The following DAB1 variants were observed in gnomAD, a reference collection of about 807,000 sequenced individuals.
The protein encoded by DAB1 is disabled homolog 1.
DAB1 carries 15 observed loss-of-function variants against 64.6 expected under a neutral mutation model. That is an observed-to-expected ratio of 0.23 (90% CI 0.16 to 0.36). The LOEUF is 0.36. Ranked by LOEUF, DAB1 falls within the 10% of genes least tolerant of loss-of-function variation. The pLI, the probability that DAB1 is intolerant of heterozygous loss-of-function variation, is 1.00. For synonymous variants in DAB1, 235 were observed against 251.9 expected, an observed-to-expected ratio of 0.93 and a Z score of 0.64; for missense variants, 596 against 706.7, an observed-to-expected ratio of 0.84 and a Z score of 1.78.
In DAB1 at chr1:57,448,606, A is replaced by T. The variant is rs529713406; in HGVS notation, n.626-157440T>A. ...TAAATATTTGTTATGCATCTGTTAC[A>T]CTCAACAAAGAATAAATTCTTGATC... On this transcript the variant is annotated intron_variant and non_coding_transcript_variant, in intron 7 of 20. Coordinates refer to the DAB1 transcript ENST00000485760. 3.3e-5 allele frequency among the ~76,000 whole-genome samples: 5 copies of T among 152,318 alleles called. No individual in the cohort carries two copies. The East Asian group carries it at 5.8e-4, about 18-fold the overall frequency.
chr1:57,947,630 C>A (rs1414608251), intron 5 of DAB1, among the ~76,000 whole-genome samples: 1 of 152,098 alleles, frequency 6.6e-6, no homozygotes, highest in Non-Finnish European at 1.5e-5. Context: ...AAGTATTTAT[C>A]TGACTCACGT....
At chr1:57,584,488 GGTCCTAGACATA>G (rs2101557904) in intron 7 of DAB1, among the ~76,000 whole-genome samples, 1 of 152,178 alleles carries the variant, frequency 6.6e-6, no homozygotes, top group East Asian at 1.9e-4. Flanking sequence ...TGAAATCTTT[GGTCCTAGACATA>G]GTCCCTGTAC....
At chr1:58,084,954 G>C (rs1650215029) in intron 5 of DAB1, among the ~76,000 whole-genome samples, 2 of 152,276 alleles carry the variant, frequency 1.3e-5, no homozygotes, top group Admixed American at 6.5e-5. Flanking sequence ...CATCACACAA[G>C]TGGGTTAACA....
At chr1:58,048,311 A>G (rs1647378537) in intron 5 of DAB1, 4 of 1,182,732 alleles carry the variant, frequency 3.4e-6, no homozygotes, top group African/African-American at 3.0e-5. Context: ...TCCCCCCTTC[A>G]TGGGTCCAAA....
chr1:57,383,587 A>G (rs1033928117), intron 1 of DAB1, among the ~76,000 whole-genome samples: 17 of 152,238 alleles, frequency 1.1e-4, no homozygotes, highest in African/African-American at 4.1e-4. Context: ...AGAAGAGAAC[A>G]GAAAGCCAAG....
At chr1:57,255,625 C>G (rs1669704252) in intron 2 of DAB1, among the ~76,000 whole-genome samples, 1 of 152,130 alleles carries the variant, frequency 6.6e-6, no homozygotes, top group South Asian at 2.1e-4. Context: ...CACCACTGCA[C>G]TCCAGCCTGG....
intron 6 of DAB1, among the ~76,000 whole-genome samples, chr1:57,674,033 C>G (rs752611028): frequency 2.7e-4 from 41 of 152,026 alleles, no homozygotes; most frequent in Non-Finnish European, 5.3e-4. Flanking sequence ...TGGAACCACC[C>G]TAGAGGGTTG....
chr1:57,538,334 C>T (rs1412103542), intron 7 of DAB1, among the ~76,000 whole-genome samples: 1 of 152,130 alleles, frequency 6.6e-6, no homozygotes, highest in East Asian at 1.9e-4. Context: ...CACAGAAGAA[C>T]TACTGGACAC....
intron 5 of DAB1, among the ~76,000 whole-genome samples, chr1:58,009,494 T>C (rs1358677446): frequency 6.6e-6 from 1 of 152,190 alleles, no homozygotes; most frequent in Non-Finnish European, 1.5e-5. Flanking sequence ...TTATAGTATA[T>C]GATTGCTTTT....
At chr1:57,774,783 T>C (rs1013200426) in intron 6 of DAB1, among the ~76,000 whole-genome samples, 3 of 151,784 alleles carry the variant, frequency 2.0e-5, no homozygotes, top group African/African-American at 7.2e-5. Flanking sequence ...TTGCTCTTTT[T>C]GTTTATTGTT....
intron 5 of DAB1, among the ~76,000 whole-genome samples, chr1:58,022,740 A>G (rs1165782793): frequency 6.6e-6 from 1 of 152,164 alleles, no homozygotes; most frequent in Non-Finnish European, 1.5e-5. Flanking sequence ...ACGTAATATA[A>G]TTTGGCACTG....
intron 1 of DAB1, among the ~76,000 whole-genome samples, chr1:57,322,819 T>C (rs1178191300): frequency 1.3e-5 from 2 of 152,186 alleles, no homozygotes. Flanking sequence ...GGCTCACCAC[T>C]GTGAATGCAC....
rs138550089 is a variant in DAB1 at position 57,675,080 on chromosome 1, T to C, written n.552-25415A>G. ...ATATTGAGATAGTGGCATTACAATT[T>C]CTATGAAGCAGGAAGCCCAGAGATC... On this transcript the variant is annotated intron_variant and non_coding_transcript_variant, in intron 6 of 20. Coordinates refer to the DAB1 transcript ENST00000485760. 1.8e-4 allele frequency among the ~76,000 whole-genome samples: 27 copies of C among 152,314 alleles called. 1 individual carries two copies. In the East Asian group the frequency reaches 2.7e-3, roughly 15 times the overall value.
At position 58,383,919 on chromosome 1, in the gene DAB1, T is replaced by C. The variant is rs1440308704; in HGVS notation, n.258-40516A>G. Among the ~76,000 whole-genome samples the C allele has an allele frequency of 6.6e-5, 10 of 152,318 alleles. 1 individual carries two copies. In the East Asian group the frequency reaches 1.9e-3, roughly 29 times the overall value. ...CCAGAAGTGAGATTGCTAGATCATATGGTAGTTCTATTTTTAATTTTTGAG... is the reference window on the plus strand; with the variant it reads ...CCAGAAGTGAGATTGCTAGATCATACGGTAGTTCTATTTTTAATTTTTGAG... On this transcript the variant is annotated intron_variant and non_coding_transcript_variant, in intron 3 of 20. Coordinates refer to the DAB1 transcript ENST00000485760.
intron 5 of DAB1, among the ~76,000 whole-genome samples, chr1:58,031,133 A>G (rs1056179901): frequency 1.3e-5 from 2 of 152,210 alleles, no homozygotes; most frequent in African/African-American, 4.8e-5. Context: ...AAACTGATAC[A>G]TGAGCTAATG....
intron 1 of DAB1, among the ~76,000 whole-genome samples, chr1:57,296,654 TG>T (rs1673218550): frequency 6.6e-6 from 1 of 152,162 alleles, no homozygotes; most frequent in Non-Finnish European, 1.5e-5. Flanking sequence ...TAATTAAGGA[TG>T]GTAATAAATA....
chr1:58,201,877 G>T (rs948679745), intron 4 of DAB1, among the ~76,000 whole-genome samples: 3 of 152,154 alleles, frequency 2.0e-5, no homozygotes, highest in African/African-American at 7.2e-5. Flanking sequence ...GGAGTGACTT[G>T]ATGTACAGGT....
At chr1:57,706,197 T>TA (rs1029225279) in intron 6 of DAB1, among the ~76,000 whole-genome samples, 104 of 152,234 alleles carry the variant, frequency 6.8e-4, no homozygotes, top group African/African-American at 2.2e-3. Flanking sequence ...ATCCATTTTT[T>TA]AAAAAATCAT....
intron 5 of DAB1, among the ~76,000 whole-genome samples, chr1:57,995,703 C>A (rs1348348991): frequency 1.3e-5 from 2 of 151,920 alleles, no homozygotes; most frequent in African/African-American, 4.8e-5. Flanking sequence ...AAGATCAAGA[C>A]CCTCTAGGGA....
Sources: allele counts gnomAD v4.1 joint callset (sites outside exome capture counted in the v4.1 genomes callset), GRCh38; gene constraint gnomAD v4.1.1; transcripts MANE v1.5; gene names NCBI Gene and HGNC (gene_info 2026-07-23, HGNC 2026-07-21).